Variants in ZNF736 observed in about 807,000 individuals in gnomAD.
The protein encoded by ZNF736 is KRAB-containing zinc-finger repressor protein.
Under a neutral mutation model 11.7 loss-of-function variants are expected in ZNF736, and 6 were observed. That is an observed-to-expected ratio of 0.51 (90% CI 0.28 to 1.01). The LOEUF is 1.01. ZNF736 is among the 50% of genes least tolerant of loss of function. The pLI, the probability that ZNF736 is intolerant of heterozygous loss-of-function variation, is 0.09. For synonymous variants in ZNF736, 139 were observed against 164.7 expected, an observed-to-expected ratio of 0.84 and a Z score of 1.19; for missense variants, 444 against 496.0, an observed-to-expected ratio of 0.90 and a Z score of 1.00.
chr7:64,329,614 TC>T (rs1445086428), intron 1 of ZNF736, among the ~76,000 whole-genome samples: 4 of 149,530 alleles, frequency 2.7e-5, no homozygotes, highest in African/African-American at 1.0e-4. Context: ...ATAAATGGAA[TC>T]TCTCTCTCTC....
chr7:64,348,124 G>A lies in ZNF736; in HGVS notation c.261G>A (p.Pro87=), dbSNP rs749273151. ...GSFHFTAEIL[P]DHDIKDSFQK... is the part of the protein sequence containing the mutation. The stretch of plus-strand genomic sequence containing the variant: ...TTCATTTTACTGCAGAGATATTGCC[G>A]GATCATGACATAAAAGATTCATTTC... Residue 87 remains proline (P), a synonymous_variant, in exon 4 of 4, where the codon CCG becomes CCA. Coordinates refer to ENST00000423484, the MANE Select transcript of ZNF736 (RefSeq NM_001170905.3). 5.8e-5 allele frequency: 89 copies of A among 1,537,574 alleles called. No individual in the cohort carries two copies. Among genetic ancestry groups the A allele is most frequent in the South Asian group, 2.9e-4 (24 of 81,534 alleles).
Position 64,354,499 on chromosome 7 carries a change from A to C in ZNF736, c.*5352A>C, listed in dbSNP as rs545186481. 8 of 152,296 alleles carry C rather than the reference A, an allele frequency of 5.3e-5. No homozygotes were observed. The East Asian group carries it at 1.5e-3, about 29-fold the overall frequency. 9.4% of individuals were successfully genotyped at this position (152,296 alleles called of 1,614,324 possible). On this transcript the variant is annotated 3_prime_UTR_variant, in exon 4 of 4. Transcript: ENST00000423484. ...AATCTATTTTCTCTGCTGTGTATTA[A>C]ATTCATTTATCTAAAATGTTATTGC...
At chr7:64,346,039 A>G (rs1312189210) in intron 3 of ZNF736, among the ~76,000 whole-genome samples, 1 of 152,154 alleles carries the variant, frequency 6.6e-6, no homozygotes, top group Non-Finnish European at 1.5e-5. Context: ...TGCTTTATGT[A>G]TTAGTGAAAG....
At position 64,355,202 on chromosome 7, in the gene ZNF736, A is replaced by G. The variant is rs1356518397; in HGVS notation, c.*6055A>G. On this transcript the variant is annotated 3_prime_UTR_variant, in exon 4 of 4. Coordinates refer to ENST00000423484, the MANE Select transcript of ZNF736 (RefSeq NM_001170905.3). ...ACTGGGGGAGGCAGAGGCCAATTCT[A>G]TGCAGTCAAACCTGGAATTGCTGAC... 2 of 168,730 alleles carry G rather than the reference A, an allele frequency of 1.2e-5. No individual in the cohort carries two copies. Among genetic ancestry groups the G allele is most frequent in the Middle Eastern group, 5.6e-4 (1 of 1,788 alleles). 10.5% of individuals were successfully genotyped at this position (168,730 alleles called of 1,614,324 possible). A position where few individuals can be genotyped will look rare whatever the true frequency, so the allele number is the denominator to read the frequency against.
intron 1 of ZNF736, among the ~76,000 whole-genome samples, chr7:64,327,090 T>C (rs151290350): frequency 2.6e-5 from 4 of 152,322 alleles, no homozygotes; most frequent in African/African-American, 9.6e-5. Context: ...TTAAGTTCAA[T>C]GTTTATTTGT....
intron 3 of ZNF736, among the ~76,000 whole-genome samples, chr7:64,345,606 G>A (rs946772026): frequency 2.0e-5 from 3 of 151,628 alleles, no homozygotes; most frequent in East Asian, 4.0e-4. Context: ...GTGCATGTCT[G>A]TAGTCCCAGC....
At chr7:64,337,747 T>G (rs1424106999) in intron 3 of ZNF736, among the ~76,000 whole-genome samples, 4 of 19,020 alleles carry the variant, frequency 2.1e-4, no homozygotes, top group African/African-American at 7.6e-4. Context: ...TTTTGTTTTG[T>G]TTTTTTTGGT....
chr7:64,314,011 A>C lies in ZNF736; in HGVS notation c.-140A>C. The C allele has an allele frequency of 8.3e-7, 1 of 1,201,278 alleles. No homozygotes were observed. The highest frequency in any genetic ancestry group is 1.2e-6 in the Non-Finnish European group (1 of 837,992). The allele number at this position is 1,201,278 out of a possible 1,614,324, so 74.4% of individuals were successfully genotyped here. A position where few individuals can be genotyped will look rare whatever the true frequency, so the allele number is the denominator to read the frequency against. On this transcript the variant is annotated 5_prime_UTR_variant, in exon 1 of 4. Coordinates refer to ENST00000423484, the MANE Select transcript of ZNF736 (RefSeq NM_001170905.3). Reference sequence around the variant, plus strand: ...TTTGTCTCCTAGCTTCCGGGCTCTGATCCTAGTTCGCGTCTCCACTGTTCC... The same window carrying C: ...TTTGTCTCCTAGCTTCCGGGCTCTGCTCCTAGTTCGCGTCTCCACTGTTCC...
rs1216592429 is a variant in ZNF736 at position 64,350,855 on chromosome 7, C to G, written c.*1708C>G. 2 of 152,054 alleles carry G rather than the reference C, an allele frequency of 1.3e-5. No homozygotes were observed. The highest frequency in any genetic ancestry group is 2.1e-4 in the South Asian group (1 of 4,822). 9.4% of individuals were successfully genotyped at this position (152,054 alleles called of 1,614,324 possible). A position where few individuals can be genotyped will look rare whatever the true frequency, so the allele number is the denominator to read the frequency against. Reference sequence around the variant, plus strand: ...GCTCACAACTCAGAGGCTGCATACTCTAACTCCGGGGGACTTGTTTTGAGC... The same window carrying G: ...GCTCACAACTCAGAGGCTGCATACTGTAACTCCGGGGGACTTGTTTTGAGC... On this transcript the variant is annotated 3_prime_UTR_variant, in exon 4 of 4. Transcript: ENST00000423484.
rs10949900 is a variant in ZNF736, at chr7:64,351,751, A to G, written c.*2604A>G. 46,706 of 152,130 alleles carry G rather than the reference A, an allele frequency of 0.31. 7,333 individuals carry two copies. Among genetic ancestry groups the G allele is most frequent in the African/African-American group, 0.34 (13,917 of 41,466 alleles). 9.4% of individuals were successfully genotyped at this position (152,130 alleles called of 1,614,324 possible). A position where few individuals can be genotyped will look rare whatever the true frequency, so the allele number is the denominator to read the frequency against. ...GCCACCACATGAGCTGGCTTGCTGC[A>G]TTATCTCTTTGCTTGTCTTCTGGGG... On this transcript the variant is annotated 3_prime_UTR_variant, in exon 4 of 4. Coordinates refer to ENST00000423484, the MANE Select transcript of ZNF736 (RefSeq NM_001170905.3).
chr7:64,319,488 C>CTTTTTTTTTTTTTTTTTTTTTTTTT lies in ZNF736; in HGVS notation c.3+5335_3+5336insTTTTTTTTTTTTTTTTTTTTTTTTT, dbSNP rs1408764142. On this transcript the variant is annotated intron_variant, in intron 1 of 3. Transcript: ENST00000423484. ...CCAGGTAAATAGAAAACATTTCTTC[C>CTTTTTTTTTTTTTTTTTTTTTTTTT]CTTTTTTTTTTTTTTTTTTTTTTTT... 1.1e-4 allele frequency among the ~76,000 whole-genome samples: 8 copies of CTTTTTTTTTTTTTTTTTTTTTTTTT among 75,248 alleles called. 3 individuals carry two copies. Among genetic ancestry groups the CTTTTTTTTTTTTTTTTTTTTTTTTT allele is most frequent in the African/African-American group, 1.1e-4 (2 of 18,344 alleles). The allele number at this position is 75,248 out of a possible 152,430, so 49.4% of individuals were successfully genotyped here.
At chr7:64,322,885 G>C (rs1221632326) in intron 1 of ZNF736, among the ~76,000 whole-genome samples, 1 of 152,130 alleles carries the variant, frequency 6.6e-6, no homozygotes, top group Non-Finnish European at 1.5e-5. Context: ...TATAAAAAAT[G>C]TATGTCTTTC....
Position 64,348,524 on chromosome 7 carries a change from A to G in ZNF736, c.661A>G (p.Arg221Gly), listed in dbSNP as rs770289094. ...GTTTTCAAACCTTACTGAACATAAGAGAGTTCATACTGGAGAGAAACCTTA... is the reference window on the plus strand; with the variant it reads ...GTTTTCAAACCTTACTGAACATAAGGGAGTTCATACTGGAGAGAAACCTTA... ...KKFSNLTEHK[R>G]VHTGEKPYKC... The change falls in exon 4 of 4, where the codon AGA (arginine) becomes GGA (glycine). Residue 221 changes from arginine to glycine, a missense_variant. By Grantham distance (125) the Arg-to-Gly change is moderately radical. Coordinates refer to ENST00000423484, the MANE Select transcript of ZNF736 (RefSeq NM_001170905.3). 1 of 1,579,300 alleles carries G rather than the reference A, an allele frequency of 6.3e-7. No homozygotes were observed. Among genetic ancestry groups the G allele is most frequent in the African/African-American group, 1.4e-5 (1 of 73,882 alleles).
rs1308631447 is a variant in ZNF736, at chr7:64,351,533, G to T, written c.*2386G>T. 1 of 152,322 alleles carries T rather than the reference G, an allele frequency of 6.6e-6. No individual in the cohort carries two copies. The highest frequency in any genetic ancestry group is 1.5e-5 in the Non-Finnish European group (1 of 68,120). The allele number at this position is 152,322 out of a possible 1,614,324, so 9.4% of individuals were successfully genotyped here. On this transcript the variant is annotated 3_prime_UTR_variant, in exon 4 of 4. Coordinates refer to ENST00000423484, the MANE Select transcript of ZNF736 (RefSeq NM_001170905.3). ...CTGTAAGCAGCTGTGGCCAGACTGG[G>T]TCCCTGGGAGAGGCCAGCAGACCAA...
At chr7:64,334,399 A>G (rs1198058222) in intron 1 of ZNF736, among the ~76,000 whole-genome samples, 1 of 152,232 alleles carries the variant, frequency 6.6e-6, no homozygotes, top group Non-Finnish European at 1.5e-5. Context: ...TATGCATCCG[A>G]CAAAGGGCAA....
intron 1 of ZNF736, among the ~76,000 whole-genome samples, chr7:64,323,513 T>C (rs1325065639): frequency 1.3e-5 from 2 of 152,058 alleles, no homozygotes; most frequent in Non-Finnish European, 2.9e-5. Flanking sequence ...GTAGACTGGA[T>C]AAAGAAAATG....
At chr7:64,347,943 G>A (rs1331159570) in intron 3 of ZNF736, 147 bp from the exon 4 acceptor site, 44 of 779,798 alleles carry the variant, frequency 5.6e-5, no homozygotes, top group Non-Finnish European at 8.1e-5. Context: ...ATTTTGGTCA[G>A]TATATTTCTG....
At chr7:64,347,529 C>T (rs1789428444) in intron 3 of ZNF736, among the ~76,000 whole-genome samples, 1 of 151,910 alleles carries the variant, frequency 6.6e-6, no homozygotes, top group Non-Finnish European at 1.5e-5. Context: ...CCTGGCCATT[C>T]CCTATGTTTC....
chr7:64,340,370 G>A (rs1202566374), intron 3 of ZNF736, among the ~76,000 whole-genome samples: 1 of 152,162 alleles, frequency 6.6e-6, no homozygotes, highest in Non-Finnish European at 1.5e-5. Context: ...CTAGGCTATG[G>A]CTGGAAGGAG....
Sources: gnomAD v4.1 joint callset for allele counts (sites outside exome capture counted in the v4.1 genomes callset) on GRCh38, gnomAD v4.1.1 for gene constraint, MANE v1.5 for transcripts, NCBI Gene and HGNC (gene_info 2026-07-23, HGNC 2026-07-21) for gene names.